PCDHGA10: variants seen among roughly 807,000 people sequenced by gnomAD.
PCDHGA10 encodes the protein protocadherin gamma subfamily A, 10.
Under a neutral mutation model 59.5 loss-of-function variants are expected in PCDHGA10, and 42 were observed. The observed-to-expected ratio is 0.71, with a 90% CI of 0.55 to 0.91. PCDHGA10 has a LOEUF of 0.91. Ranked by LOEUF, PCDHGA10 falls within the 40% of genes least tolerant of loss-of-function variation. The probability of loss-of-function intolerance (pLI) is 0.00; values close to 1 mark genes in which losing one functional copy is unlikely to be tolerated. For missense variants in PCDHGA10, 1,111 were observed against 1,198.2 expected, an observed-to-expected ratio of 0.93 and a Z score of 1.07; for synonymous variants, 511 against 517.2, an observed-to-expected ratio of 0.99 and a Z score of 0.16.
At chr5:141,456,827 G>A (rs183303757) in intron 1 of PCDHGA10, among the ~76,000 whole-genome samples, 13 of 152,236 alleles carry the variant, frequency 8.5e-5, no homozygotes, top group South Asian at 2.1e-4. Flanking sequence ...AGCCATCGTG[G>A]TAGTGGGCGC....
chr5:141,462,408 A>G (rs1240372917), intron 1 of PCDHGA10, among the ~76,000 whole-genome samples: 2 of 152,188 alleles, frequency 1.3e-5, no homozygotes, highest in Non-Finnish European at 2.9e-5. Context: ...ATGGCACAGA[A>G]TATGGTCTAT....
In PCDHGA10 at chr5:141,413,787, A is replaced by G. The variant is rs2095678061; in HGVS notation, c.612A>G (p.Leu204=). Residue 204 remains leucine, a synonymous_variant, in exon 1 of 4, where the codon CTA becomes CTG. Transcript: ENST00000398610. The stretch of plus-strand genomic sequence containing the variant: ...CGGAGCTGGTACTGGAGCACTCCCT[A>G]GATCGCGAGGAAGAGGCCATTCACC... ...KYPELVLEHS[L]DREEEAIHHL... is the part of the protein sequence containing the mutation. 1 of 1,613,170 alleles carries G rather than the reference A, an allele frequency of 6.2e-7. No homozygotes were observed. The highest frequency in any genetic ancestry group is 1.3e-5 in the African/African-American group (1 of 75,028).
Position 141,489,662 on chromosome 5 carries a change from G to T in PCDHGA10, c.2437-5145G>T, listed in dbSNP as rs2233601. On this transcript the variant is annotated intron_variant, in intron 1 of 3. Transcript: ENST00000398610. The surrounding 1 kb of genome is among the most constrained non-coding windows in gnomAD (Gnocchi z 4.5). Reference sequence around the variant, plus strand: ...TTTGCCACCCCTGAGCGAGAGATGCGCATCTCAGAATCAGCAGCATCTGGG... The same window carrying T: ...TTTGCCACCCCTGAGCGAGAGATGCTCATCTCAGAATCAGCAGCATCTGGG... 2.5e-6 allele frequency: 4 copies of T among 1,614,024 alleles called. No homozygotes were observed. The African/African-American group carries it at 4.0e-5, about 16-fold the overall frequency.
At chr5:141,483,918 T>G (rs2099588800) in intron 1 of PCDHGA10, among the ~76,000 whole-genome samples, 1 of 150,512 alleles carries the variant, frequency 6.6e-6, no homozygotes, top group Non-Finnish European at 1.5e-5. Flanking sequence ...CCACTCAGAT[T>G]GCAGGTCGTA....
chr5:141,429,426 G>C (rs992784469), intron 1 of PCDHGA10, among the ~76,000 whole-genome samples: 3 of 151,724 alleles, frequency 2.0e-5, no homozygotes, highest in African/African-American at 4.8e-5. Context: ...TGTTGCCCAG[G>C]CTGGACTCAA....
chr5:141,419,613 G>T (rs369914837), intron 1 of PCDHGA10: 144 of 1,612,020 alleles, frequency 8.9e-5, no homozygotes, highest in Admixed American at 1.5e-4. Context: ...GCGCAGCCAG[G>T]CTACCTGGTG....
chr5:141,455,244 T>C (rs977940552), intron 1 of PCDHGA10, among the ~76,000 whole-genome samples: 1 of 152,142 alleles, frequency 6.6e-6, no homozygotes, highest in Admixed American at 6.5e-5. Flanking sequence ...TTAAAGGTCA[T>C]AGTACAATCG....
chr5:141,502,900 T>C (rs1433421797), intron 2 of PCDHGA10, among the ~76,000 whole-genome samples: 2 of 147,288 alleles, frequency 1.4e-5, no homozygotes, highest in Non-Finnish European at 3.0e-5. Flanking sequence ...TCTAGCTCTG[T>C]TGCCAGGCTG....
chr5:141,413,905 C>G lies in PCDHGA10; in HGVS notation c.730C>G (p.Pro244Ala). 1 of 1,613,338 alleles carries G rather than the reference C, an allele frequency of 6.2e-7. No homozygotes were observed. Among genetic ancestry groups the G allele is most frequent in the Non-Finnish European group, 8.5e-7 (1 of 1,179,876 alleles). The change falls in exon 1 of 4, where the codon CCG becomes GCG. Residue 244 changes from proline to alanine, a missense_variant. Transcript: ENST00000398610. Reference sequence around the variant, plus strand: ...TGTCTTCGATGCAAATGACAACGCGCCGGTCTTCACCTTGCCAGAATACCG... The same window carrying G: ...TGTCTTCGATGCAAATGACAACGCGGCGGTCTTCACCTTGCCAGAATACCG... ...VTVFDANDNAPVFTLPEYRVS... is the reference protein window; with the variant it reads ...VTVFDANDNAAVFTLPEYRVS...
chr5:141,499,054 TGAA>T (rs2099789231), intron 2 of PCDHGA10, among the ~76,000 whole-genome samples: 1 of 150,820 alleles, frequency 6.6e-6, no homozygotes, highest in Non-Finnish European at 1.5e-5. Context: ...GGAGAAAAAA[TGAA>T]GAAGACTTAC....
At chr5:141,422,850 G>T (rs184432819) in intron 1 of PCDHGA10, 7 of 1,614,086 alleles carry the variant, frequency 4.3e-6, no homozygotes, top group Non-Finnish European at 5.9e-6. Context: ...GCGGGGACCC[G>T]CCCCTCAGCA....
intron 1 of PCDHGA10, among the ~76,000 whole-genome samples, chr5:141,443,780 A>G (rs1337883957): frequency 6.6e-6 from 1 of 152,202 alleles, no homozygotes; most frequent in Non-Finnish European, 1.5e-5. Flanking sequence ...TACCAAAAAG[A>G]CAAAAAAAAT....
chr5:141,417,767 T>G lies in PCDHGA10; in HGVS notation c.2436+2156T>G, dbSNP rs1333916865. 1.3e-5 allele frequency: 19 copies of G among 1,442,000 alleles called. No individual in the cohort carries two copies. The South Asian group carries it at 1.8e-4, about 13-fold the overall frequency. 89.3% of individuals were successfully genotyped at this position (1,442,000 alleles called of 1,614,324 possible). ...GATTGCCAGCTCCGAGACCCGGGAC[T>G]CCTCCTGTCCTGGGCCGAATGCTCT... On this transcript the variant is annotated intron_variant, in intron 1 of 3. Coordinates refer to ENST00000398610, the MANE Select transcript of PCDHGA10 (RefSeq NM_018913.3).
chr5:141,430,926 C>T, intron 1 of PCDHGA10: 1 of 1,607,426 alleles, frequency 6.2e-7, no homozygotes, highest in Non-Finnish European at 8.5e-7. Flanking sequence ...GGGCTGGAGC[C>T]CCGGGAGCTC....
intron 2 of PCDHGA10, among the ~76,000 whole-genome samples, chr5:141,502,829 C>A (rs1034808123): frequency 2.0e-5 from 3 of 150,428 alleles, no homozygotes; most frequent in African/African-American, 7.4e-5. Context: ...CTTGGGGAAG[C>A]CTGGACTGGC....
chr5:141,471,789 TCATATAAAAGA>T (rs777265354), intron 1 of PCDHGA10, among the ~76,000 whole-genome samples: 14 of 152,224 alleles, frequency 9.2e-5, no homozygotes, highest in Non-Finnish European at 1.9e-4. Flanking sequence ...TTATGCTATG[TCATATAAAAGA>T]CATATAAAAG....
intron 1 of PCDHGA10, among the ~76,000 whole-genome samples, chr5:141,429,826 C>T (rs1211415098): frequency 2.6e-5 from 4 of 152,054 alleles, no homozygotes; most frequent in Non-Finnish European, 4.4e-5. Context: ...GGTCAGTTAC[C>T]CAGGAAAAGG....
chr5:141,442,348 CTG>C (rs1318031659), intron 1 of PCDHGA10: 1 of 152,378 alleles, frequency 6.6e-6, no homozygotes, highest in Non-Finnish European at 1.5e-5. Context: ...TTCTGGGTAA[CTG>C]TAGCTCTATG....
At chr5:141,426,655 A>C (rs2096950037) in intron 1 of PCDHGA10, 1 of 424,748 alleles carries the variant, frequency 2.4e-6, no homozygotes, top group Non-Finnish European at 4.8e-6. Flanking sequence ...ATGATAGAAG[A>C]TATAAATGAT....
Sources: allele counts gnomAD v4.1 joint callset (sites outside exome capture counted in the v4.1 genomes callset), GRCh38; gene constraint gnomAD v4.1.1; non-coding constraint Gnocchi (gnomAD v3.1); transcripts MANE v1.5; gene names NCBI Gene and HGNC (gene_info 2026-07-23, HGNC 2026-07-21).